WDR7: variants seen among roughly 807,000 people sequenced by gnomAD.
WDR7 encodes the protein WD repeat-containing protein 7.
A neutral mutation model predicts 169.4 loss-of-function variants in WDR7; 46 were observed. The ratio of observed to expected loss-of-function variants is 0.27; its 90% CI spans 0.21 to 0.35. WDR7 has a LOEUF of 0.35. WDR7 is among the 10% of genes least tolerant of loss of function. The pLI, the probability that WDR7 is intolerant of heterozygous loss-of-function variation, is 1.00. For missense variants in WDR7, 1,534 were observed against 1,859.3 expected (o/e 0.83, Z 3.22); for synonymous variants, 612 against 666.8 (o/e 0.92, Z 1.27).
At chr18:56,662,962 A>G (rs1260844771) in intron 1 of WDR7, among the ~76,000 whole-genome samples, 1 of 152,184 alleles carries the variant, frequency 6.6e-6, no homozygotes, top group Non-Finnish European at 1.5e-5. Context: ...AAACAACAGA[A>G]TTTTATTTTC....
At chr18:56,766,562 T>C (rs948581059) in intron 16 of WDR7, among the ~76,000 whole-genome samples, 2 of 151,240 alleles carry the variant, frequency 1.3e-5, no homozygotes, top group Non-Finnish European at 3.0e-5. Context: ...TTTATTTTTA[T>C]TTTTTTTTAT....
Position 56,935,851 on chromosome 18 carries a change from C to T in WDR7, c.3777C>T (p.Leu1259=). ...ADSARSARHA[L]SLIATARPPA... is the part of the protein sequence containing the mutation. ...CGGCCCGCTCTGCGAGGCATGCCCT[C>T]TCGCTCATTGCCACCGCCAGACCAC... The change falls in exon 23 of 28, where the codon CTC becomes CTT. Residue 1259 remains leucine (L), a synonymous_variant. Coordinates refer to ENST00000254442, the MANE Select transcript of WDR7 (RefSeq NM_015285.3). The T allele has an allele frequency of 6.2e-7, 1 of 1,614,184 alleles. No individual in the cohort carries two copies. The highest frequency in any genetic ancestry group is 1.1e-5 in the South Asian group (1 of 91,088).
At chr18:56,711,797 GT>G (rs1178453771) in intron 12 of WDR7, among the ~76,000 whole-genome samples, 1 of 151,872 alleles carries the variant, frequency 6.6e-6, no homozygotes, top group Non-Finnish European at 1.5e-5. Flanking sequence ...TTCATAGGCT[GT>G]TTTTTCCCCT....
intron 21 of WDR7, among the ~76,000 whole-genome samples, chr18:56,920,443 T>A (rs562536892): frequency 1.2e-4 from 19 of 152,386 alleles, no homozygotes; most frequent in African/African-American, 3.8e-4. Context: ...CTGAGTCTTA[T>A]TCTCTTTTTT....
chr18:56,995,945 A>G (rs2047893818), intron 26 of WDR7, among the ~76,000 whole-genome samples: 2 of 152,088 alleles, frequency 1.3e-5, no homozygotes, highest in Admixed American at 1.3e-4. Flanking sequence ...TCCACAGAGC[A>G]GGTGGTTGGA....
chr18:56,779,416 T>G lies in WDR7; in HGVS notation c.2948-15T>G. ...AAATGGTTAAAGAATTTGTAATATATTACATTTTTGACAGGTTGGAGTCAG... is the reference window on the plus strand; with the variant it reads ...AAATGGTTAAAGAATTTGTAATATAGTACATTTTTGACAGGTTGGAGTCAG... On this transcript the variant is annotated splice_polypyrimidine_tract_variant and intron_variant, in intron 17 of 27. Transcript: ENST00000254442. The G allele has an allele frequency of 6.3e-7, 1 of 1,585,786 alleles. No homozygotes were observed. The highest frequency in any genetic ancestry group is 1.4e-5 in the African/African-American group (1 of 74,024).
chr18:57,007,701 A>G (rs2048083690), intron 26 of WDR7, among the ~76,000 whole-genome samples: 2 of 152,162 alleles, frequency 1.3e-5, no homozygotes, highest in Admixed American at 6.5e-5. Context: ...ATTTAATTTA[A>G]AAATAAAATA....
chr18:57,031,926 G>T (rs1035690220), downstream of WDR7: 2 of 152,212 alleles, frequency 1.3e-5, no homozygotes, highest in African/African-American at 4.8e-5. Flanking sequence ...TAAACAAGAT[G>T]ACCTGTGTTC....
At chr18:56,738,798 CTTTTTTTTTTTTT>C (rs10547813) in intron 14 of WDR7, among the ~76,000 whole-genome samples, 1 of 58,788 alleles carries the variant, frequency 1.7e-5, no homozygotes, top group Non-Finnish European at 3.1e-5. Context: ...GCATAAAATC[CTTTTTTTTTTTTT>C]TTTTTTTTTT....
chr18:56,685,830 TTA>T (rs2025432390), intron 5 of WDR7, 124 bp from the exon 6 acceptor site: 4 of 745,198 alleles, frequency 5.4e-6, no homozygotes, highest in Non-Finnish European at 6.5e-6. Context: ...AAATAGAGAA[TTA>T]TGTTTTTCTG....
At chr18:56,884,332 T>C (rs551727666) in intron 21 of WDR7, among the ~76,000 whole-genome samples, 2 of 152,302 alleles carry the variant, frequency 1.3e-5, no homozygotes, top group Admixed American at 1.3e-4. Context: ...TTCATGTCCT[T>C]AGCCAGTCTT....
Position 56,731,460 on chromosome 18 carries a change from G to A in WDR7, c.1852G>A (p.Val618Ile). Residue 618 changes from valine (V) to isoleucine (I), a missense_variant, in exon 14 of 28, where the codon GTT (valine) becomes ATT (isoleucine). Val to Ile is a conservative substitution (Grantham distance 29, BLOSUM62 3). Coordinates refer to ENST00000254442, the MANE Select transcript of WDR7 (RefSeq NM_015285.3). Reference sequence around the variant, plus strand: ...TTGTGATGAAGCTGTTCCTGCTGCTGTTGATTCACTTAGTCATCCAGCAGT... The same window carrying A: ...TTGTGATGAAGCTGTTCCTGCTGCTATTGATTCACTTAGTCATCCAGCAGT... The part of the protein sequence containing the change: ...NACDEAVPAA[V>I]DSLSHPAVNL... 1 of 1,614,168 alleles carries A rather than the reference G, an allele frequency of 6.2e-7. No individual in the cohort carries two copies. The highest frequency in any genetic ancestry group is 8.5e-7 in the Non-Finnish European group (1 of 1,180,020).
At chr18:56,856,405 G>A (rs1024118611) in intron 20 of WDR7, among the ~76,000 whole-genome samples, 3 of 151,982 alleles carry the variant, frequency 2.0e-5, no homozygotes, top group African/African-American at 7.2e-5. Context: ...AAGGTAACAC[G>A]TGCCTGTAAT....
At chr18:56,815,860 A>G (rs1390930885) in intron 19 of WDR7, among the ~76,000 whole-genome samples, 171 bp from the exon 20 acceptor site, 1 of 152,214 alleles carries the variant, frequency 6.6e-6, no homozygotes, top group Admixed American at 6.5e-5. Context: ...AAATAAATAG[A>G]GCACACGTGA....
chr18:56,830,458 A>G (rs1473974458), intron 20 of WDR7, among the ~76,000 whole-genome samples: 2 of 152,182 alleles, frequency 1.3e-5, no homozygotes, highest in Non-Finnish European at 2.9e-5. Flanking sequence ...TGACTTAGGA[A>G]TTAGGGAAGA....
At chr18:56,888,637 G>T (rs931709089) in intron 21 of WDR7, among the ~76,000 whole-genome samples, 2 of 152,088 alleles carry the variant, frequency 1.3e-5, no homozygotes, top group Admixed American at 1.3e-4. Context: ...ATGTTTTAAG[G>T]TATTATTTAT....
At chr18:56,792,243 T>C (rs1270778570) in intron 19 of WDR7, among the ~76,000 whole-genome samples, 1 of 152,152 alleles carries the variant, frequency 6.6e-6, no homozygotes, top group Non-Finnish European at 1.5e-5. Flanking sequence ...GTCTCCAGTT[T>C]CTGGGCTCAA....
At chr18:56,965,327 C>G (rs2047393497) in intron 26 of WDR7, among the ~76,000 whole-genome samples, 1 of 151,936 alleles carries the variant, frequency 6.6e-6, no homozygotes, top group Non-Finnish European at 1.5e-5. Flanking sequence ...GAACCCATGA[C>G]TGAGAGACTG....
chr18:56,725,427 G>A (rs1430470548), intron 13 of WDR7, among the ~76,000 whole-genome samples: 7 of 151,978 alleles, frequency 4.6e-5, no homozygotes, highest in African/African-American at 1.7e-4. Flanking sequence ...TTTTTCATGT[G>A]TCTGTTGGCT....
Sources: allele counts gnomAD v4.1 joint callset (sites outside exome capture counted in the v4.1 genomes callset), GRCh38; gene constraint gnomAD v4.1.1; transcripts MANE v1.5; gene names NCBI Gene and HGNC (gene_info 2026-07-23, HGNC 2026-07-21).